Variants in GABRG2 observed in about 807,000 individuals in gnomAD.
The protein encoded by GABRG2 is gamma-aminobutyric acid type A receptor subunit gamma2.
Under a neutral mutation model 56.4 loss-of-function variants are expected in GABRG2, and 16 were observed. The observed-to-expected ratio is 0.28, with a 90% CI of 0.19 to 0.43. GABRG2 has a LOEUF of 0.43. Among genes scored for constraint, GABRG2 ranks in the 20% least tolerant of loss-of-function variants. GABRG2 has a pLI of 1.00. For synonymous variants in GABRG2, 208 were observed against 205.5 expected (o/e 1.01, Z -0.10); for missense variants, 327 against 582.7 (o/e 0.56, Z 4.52).
intron 1 of GABRG2, among the ~76,000 whole-genome samples, chr5:162,084,115 A>C (rs1011500690): frequency 3.4e-4 from 52 of 151,816 alleles, no homozygotes; most frequent in Non-Finnish European, 8.9e-5. Context: ...AGCAAATTGA[A>C]AAGAGTGGCT....
intron 7 of GABRG2, among the ~76,000 whole-genome samples, chr5:162,148,721 A>T (rs1166666895): frequency 6.6e-6 from 1 of 152,142 alleles, no homozygotes; most frequent in Non-Finnish European, 1.5e-5. Context: ...TTTAAGCTTT[A>T]CTTTAAACAT....
At chr5:162,094,240 A>G (rs576102725) in intron 2 of GABRG2, 1 of 454,462 alleles carries the variant, frequency 2.2e-6, no homozygotes, top group Non-Finnish European at 4.0e-6. Flanking sequence ...TCTCAGATAG[A>G]AGCTGTAGGA....
chr5:162,091,745 C>T (rs1760609536), intron 1 of GABRG2, among the ~76,000 whole-genome samples: 1 of 152,086 alleles, frequency 6.6e-6, no homozygotes. Context: ...TGTATTTTCC[C>T]TCCTGGTCTG....
intron 6 of GABRG2, among the ~76,000 whole-genome samples, chr5:162,137,245 T>C (rs971242976): frequency 1.3e-5 from 2 of 152,222 alleles, no homozygotes; most frequent in Non-Finnish European, 1.5e-5. Context: ...TGCATGGAAA[T>C]ATTTGAAAAC....
intron 1 of GABRG2, among the ~76,000 whole-genome samples, chr5:162,088,251 A>G (rs1177966773): frequency 4.6e-5 from 7 of 152,054 alleles, no homozygotes; most frequent in Admixed American, 4.6e-4. Flanking sequence ...CCTTCCCATG[A>G]TCATATACTG....
chr5:162,151,429 AG>A (rs1765366122), intron 8 of GABRG2: 3 of 300,828 alleles, frequency 1.0e-5, no homozygotes, highest in Non-Finnish European at 1.8e-5. Context: ...ATTTTTAAAC[AG>A]GGGAACCAGG....
intron 6 of GABRG2, among the ~76,000 whole-genome samples, chr5:162,121,453 C>A (rs1462035472): frequency 1.3e-5 from 2 of 151,948 alleles, no homozygotes; most frequent in East Asian, 1.9e-4. Flanking sequence ...AGCAAAGGAG[C>A]TTTGGATCTA....
At chr5:162,077,073 C>G (rs973501052) in intron 1 of GABRG2, among the ~76,000 whole-genome samples, 2 of 146,638 alleles carry the variant, frequency 1.4e-5, no homozygotes, top group African/African-American at 5.1e-5. Flanking sequence ...ACAACTACCC[C>G]TGTGTGTGTG....
chr5:162,068,740 AACGTCTCTAAATATACT>A (rs1397457315), intron 1 of GABRG2, among the ~76,000 whole-genome samples: 1 of 152,102 alleles, frequency 6.6e-6, no homozygotes, highest in Admixed American at 6.6e-5. Context: ...AACCTGATAG[AACGTCTCTAAATATACT>A]CAGGGCATCC....
intron 4 of GABRG2, 24 bp from the exon 5 acceptor site, chr5:162,101,211 T>TA (rs752486094): frequency 2.9e-5 from 42 of 1,466,752 alleles, no homozygotes; most frequent in Admixed American, 2.5e-4. Flanking sequence ...AAATCCATCT[T>TA]ATGTTTAATA....
intron 1 of GABRG2, 64 bp downstream of exon 1, chr5:162,068,170 G>A (rs1054810106): frequency 8.7e-7 from 1 of 1,145,112 alleles, no homozygotes; most frequent in Non-Finnish European, 1.3e-6. Context: ...GTGGGGAGGG[G>A]TAACTCGGGA....
At chr5:162,127,737 A>T (rs1417465730) in intron 6 of GABRG2, among the ~76,000 whole-genome samples, 1 of 152,016 alleles carries the variant, frequency 6.6e-6, no homozygotes. Flanking sequence ...TCATTAGACA[A>T]CTAGTATATT....
chr5:162,110,039 A>C (rs1762147141), intron 6 of GABRG2, among the ~76,000 whole-genome samples: 1 of 152,134 alleles, frequency 6.6e-6, no homozygotes, highest in Non-Finnish European at 1.5e-5. Context: ...TTTCTGGCAT[A>C]ACCATGTAAA....
chr5:162,127,196 A>G (rs1460793110), intron 6 of GABRG2, among the ~76,000 whole-genome samples: 1 of 151,984 alleles, frequency 6.6e-6, no homozygotes, highest in Non-Finnish European at 1.5e-5. Context: ...AAAGTTATCA[A>G]ATCTCTGCAC....
rs1561647239 is a variant in GABRG2, at chr5:162,109,409, TATATATATATA to T, written c.769+5384_769+5394del. 1.7e-4 allele frequency among the ~76,000 whole-genome samples: 23 copies of T among 138,922 alleles called. 1 individual carries two copies. Among genetic ancestry groups the T allele is most frequent in the African/African-American group, 6.1e-4 (22 of 36,342 alleles). 91.1% of individuals were successfully genotyped at this position (138,922 alleles called of 152,430 possible). On this transcript the variant is annotated intron_variant, in intron 6 of 9. Transcript: ENST00000639213. ...AGTATAATATATATATATATATATA[TATATATATATA>T]TATTTATTTATATAAAATGAAAACA... is the stretch of plus-strand genomic sequence containing the variant.
chr5:162,080,911 A>T (rs985950265), intron 1 of GABRG2, among the ~76,000 whole-genome samples: 2 of 152,174 alleles, frequency 1.3e-5, no homozygotes, highest in African/African-American at 4.8e-5. Flanking sequence ...TATTTAACTA[A>T]TGTGTGTAAA....
chr5:162,114,111 A>G (rs1762442753), intron 6 of GABRG2, among the ~76,000 whole-genome samples: 1 of 152,170 alleles, frequency 6.6e-6, no homozygotes, highest in Non-Finnish European at 1.5e-5. Context: ...TTCATGGGAA[A>G]TTTAAAAGAT....
At chr5:162,153,051 G>C (rs1561662180) in intron 9 of GABRG2, 42 bp from the exon 10 acceptor site, 9 of 1,612,854 alleles carry the variant, frequency 5.6e-6, no homozygotes, top group Non-Finnish European at 6.8e-6. Flanking sequence ...GATCTCTCGA[G>C]AACAACTAAC....
chr5:162,101,128 TC>T, intron 4 of GABRG2, 106 bp from the exon 5 acceptor site: 1 of 809,438 alleles, frequency 1.2e-6, no homozygotes, highest in East Asian at 2.7e-5. Context: ...GTGTTTTCAA[TC>T]AGAATGTGAG....
Sources: gnomAD v4.1 joint callset for allele counts (sites outside exome capture counted in the v4.1 genomes callset) on GRCh38, gnomAD v4.1.1 for gene constraint, MANE v1.5 for transcripts, NCBI Gene and HGNC (gene_info 2026-07-23, HGNC 2026-07-21) for gene names.